TENM3: variants seen among roughly 807,000 people sequenced by gnomAD.
TENM3 encodes teneurin-3.
TENM3 carries 63 observed loss-of-function variants against 255.1 expected under a neutral mutation model. That is an observed-to-expected ratio of 0.25 (90% confidence interval 0.20 to 0.30). The LOEUF (loss-of-function observed/expected upper bound fraction) is 0.30, where lower values mean the gene tolerates loss of function less well. TENM3 is among the 10% of genes least tolerant of loss of function. The pLI is 1.00. For missense variants in TENM3, 2,929 were observed against 3,461.1 expected (o/e 0.85, Z 3.86); for synonymous variants, 1,306 against 1,322.3 (o/e 0.99, Z 0.27).
chr4:182,293,836 A>G (rs1761284322), intron 1 of TENM3, among the ~76,000 whole-genome samples: 1 of 152,142 alleles, frequency 6.6e-6, no homozygotes, highest in South Asian at 2.1e-4. Context: ...AATTAATTAG[A>G]TCTGATTATC....
chr4:182,768,823 G>A (rs1472996626), intron 22 of TENM3, among the ~76,000 whole-genome samples: 1 of 152,186 alleles, frequency 6.6e-6, no homozygotes, highest in Non-Finnish European at 1.5e-5. Flanking sequence ...AGAGCGGTAG[G>A]TCACGGAGAG....
At chr4:182,377,610 G>C (rs1767265529) in intron 3 of TENM3, among the ~76,000 whole-genome samples, 5 of 152,056 alleles carry the variant, frequency 3.3e-5, no homozygotes, top group Admixed American at 2.0e-4. Flanking sequence ...CACCACGCCC[G>C]GCTCCACAAT....
At chr4:181,936,342 C>T in the TENM3 span, among the ~76,000 whole-genome samples, 1 of 152,252 alleles carries the variant, frequency 6.6e-6, no homozygotes, top group African/African-American at 2.4e-5. Flanking sequence ...TTGCAGTGAG[C>T]CAAGACTGCA....
In TENM3 at chr4:182,258,749, G is replaced by A. The variant is rs187288661; in HGVS notation, c.-76+15273G>A. ...CAAAATCATTTTTGTAAGAGACCAT[G>A]CAGCGACTACCTATTAAACTAATGT... On this transcript the variant is annotated intron_variant, in intron 1 of 27. Transcript: ENST00000511685. 1.4e-4 allele frequency among the ~76,000 whole-genome samples: 21 copies of A among 152,300 alleles called. 1 individual carries two copies. Among genetic ancestry groups the A allele is most frequent in the Admixed American group, 1.0e-3 (16 of 15,298 alleles).
the TENM3 span, among the ~76,000 whole-genome samples, chr4:181,587,953 C>T: frequency 0.013 from 2,012 of 152,122 alleles, 39 homozygotes; most frequent in African/African-American, 0.046. Flanking sequence ...AGTTCTTAGC[C>T]GTCCTGAGAT....
intron 1 of TENM3, among the ~76,000 whole-genome samples, chr4:182,266,900 A>C (rs1237049816): frequency 6.6e-6 from 1 of 152,188 alleles, no homozygotes; most frequent in Admixed American, 6.5e-5. Flanking sequence ...GCTGTCCTAA[A>C]ACTTTTTATC....
chr4:181,732,335 A>G, the TENM3 span, among the ~76,000 whole-genome samples: 1 of 152,310 alleles, frequency 6.6e-6, no homozygotes, highest in Non-Finnish European at 1.5e-5. Flanking sequence ...CCACTTCAAT[A>G]CATTCTAGAA....
At chr4:182,693,171 A>G (rs535438549) in intron 12 of TENM3, among the ~76,000 whole-genome samples, 2 of 152,178 alleles carry the variant, frequency 1.3e-5, no homozygotes, top group Non-Finnish European at 2.9e-5. Context: ...TAATTCATTT[A>G]TGTGTCCAGT....
intron 2 of TENM3, among the ~76,000 whole-genome samples, chr4:182,337,864 G>A (rs543762363): frequency 6.6e-6 from 1 of 152,304 alleles, no homozygotes; most frequent in South Asian, 2.1e-4. Flanking sequence ...TATCCACTGA[G>A]CAAAAGGATC....
the TENM3 span, among the ~76,000 whole-genome samples, chr4:181,986,835 C>A: frequency 6.6e-6 from 1 of 151,998 alleles, no homozygotes; most frequent in African/African-American, 2.4e-5. Flanking sequence ...AGATATACAT[C>A]TATAGGCACA....
At chr4:182,725,209 T>C (rs1053785852) in intron 13 of TENM3, among the ~76,000 whole-genome samples, 3 of 152,112 alleles carry the variant, frequency 2.0e-5, no homozygotes, top group Non-Finnish European at 4.4e-5. Flanking sequence ...GGCTAAGTTT[T>C]CTAACTTTTT....
chr4:181,622,584 G>A, the TENM3 span, among the ~76,000 whole-genome samples: 1 of 152,142 alleles, frequency 6.6e-6, no homozygotes, highest in African/African-American at 2.4e-5. Flanking sequence ...GTTGAGGCAG[G>A]AGAATCGCTT....
chr4:181,635,125 G>A, the TENM3 span, among the ~76,000 whole-genome samples: 99 of 152,190 alleles, frequency 6.5e-4, no homozygotes, highest in East Asian at 0.018. Context: ...ATGGGATTTA[G>A]CCGTCAAAAT....
the TENM3 span, among the ~76,000 whole-genome samples, chr4:181,771,498 A>G: frequency 6.6e-6 from 1 of 152,176 alleles, no homozygotes; most frequent in African/African-American, 2.4e-5. Flanking sequence ...ATTCACTGTT[A>G]TAGGGGGTCA....
intron 17 of TENM3, 95 bp downstream of exon 17, chr4:182,737,170 A>G (rs1194503253): frequency 7.8e-7 from 1 of 1,279,400 alleles, no homozygotes; most frequent in African/African-American, 1.5e-5. Context: ...GTGGATAAAC[A>G]GAATATAAAG....
At chr4:181,699,471 AAGAAAGAAAG>A in the TENM3 span, among the ~76,000 whole-genome samples, 85 of 142,726 alleles carry the variant, frequency 6.0e-4, 3 homozygotes, top group African/African-American at 2.1e-3. Flanking sequence ...AAAAAAAAAA[AAGAAAGAAAG>A]AAAAAGAAAA....
chr4:182,582,634 G>A (rs1745605903), intron 3 of TENM3, among the ~76,000 whole-genome samples: 1 of 151,978 alleles, frequency 6.6e-6, no homozygotes, highest in Non-Finnish European at 1.5e-5. Flanking sequence ...ATAAAATAGA[G>A]GAGAACTATA....
intron 2 of TENM3, among the ~76,000 whole-genome samples, chr4:182,344,984 C>T (rs1015483917): frequency 1.3e-5 from 2 of 152,220 alleles, no homozygotes; most frequent in African/African-American, 2.4e-5. Context: ...CACTGTTCAA[C>T]GCACAGGCGC....
the TENM3 span, among the ~76,000 whole-genome samples, chr4:181,577,197 TTATATATATATA>T: frequency 3.9e-5 from 5 of 126,910 alleles, no homozygotes; most frequent in African/African-American, 1.5e-4. Flanking sequence ...ATTATATATA[TTATATATATATA>T]TTTTTTTTTT....
Sources: allele counts gnomAD v4.1 joint callset (sites outside exome capture counted in the v4.1 genomes callset), GRCh38; gene constraint gnomAD v4.1.1; transcripts MANE v1.5; gene names NCBI Gene and HGNC (gene_info 2026-07-23, HGNC 2026-07-21).